Variants in MYOM1 observed in about 807,000 individuals in gnomAD.
The protein encoded by MYOM1 is myomesin-1.
A neutral mutation model predicts 205.3 loss-of-function variants in MYOM1; 164 were observed. That is an observed-to-expected ratio of 0.80 (90% CI 0.70 to 0.91). MYOM1 has a LOEUF of 0.91. Among genes scored for constraint, MYOM1 ranks in the 40% least tolerant of loss-of-function variants. The pLI, the probability that MYOM1 is intolerant of heterozygous loss-of-function variation, is 0.00. For synonymous variants in MYOM1, 772 were observed against 789.4 expected (o/e 0.98, Z 0.37); for missense variants, 2,011 against 2,127.3 (o/e 0.95, Z 1.08).
the MYOM1 span, among the ~76,000 whole-genome samples, chr18:3,228,434 A>G: frequency 6.6e-6 from 1 of 152,166 alleles, no homozygotes; most frequent in African/African-American, 2.4e-5. This position sits in a 1 kb window ranked among gnomAD's most constrained non-coding sequence, Gnocchi z 4.5. Flanking sequence ...CGCTTGCAAC[A>G]TGTGCCGAAA....
At chr18:3,215,342 T>G in intron 1 of MYOM1, 91 bp from the exon 2 acceptor site, 1 of 1,056,592 alleles carries the variant, frequency 9.5e-7, no homozygotes, top group Non-Finnish European at 1.3e-6. Context: ...ATCAATACTC[T>G]TGGCTGGGTG....
chr18:3,183,377 C>CAAT (rs561112429), intron 5 of MYOM1, among the ~76,000 whole-genome samples: 89 of 152,274 alleles, frequency 5.8e-4, no homozygotes, highest in African/African-American at 2.1e-3. Context: ...CTCTGGTAAC[C>CAAT]TCTAGGTTCC....
chr18:3,174,068 A>T (rs1375489989), intron 7 of MYOM1, 52 bp downstream of exon 7: 2 of 1,594,336 alleles, frequency 1.3e-6, no homozygotes, highest in Admixed American at 1.7e-5. Flanking sequence ...CATGGGAAGA[A>T]ATTTTTAAAA....
upstream of MYOM1, among the ~76,000 whole-genome samples, chr18:3,223,915 G>A (rs945333625): frequency 7.9e-5 from 12 of 152,152 alleles, no homozygotes; most frequent in Non-Finnish European, 1.2e-4. Context: ...CAGAGCCAGC[G>A]GTGAGGGTGC....
chr18:3,095,486 T>G (rs761535788), intron 25 of MYOM1, among the ~76,000 whole-genome samples: 34 of 152,132 alleles, frequency 2.2e-4, no homozygotes, highest in Non-Finnish European at 4.6e-4. Flanking sequence ...GAGAACTGCT[T>G]GAACCTGGGA....
chr18:3,115,278 C>T (rs915584359), intron 21 of MYOM1, among the ~76,000 whole-genome samples: 7 of 152,104 alleles, frequency 4.6e-5, no homozygotes, highest in African/African-American at 1.7e-4. Flanking sequence ...AGCTGGAGAG[C>T]TGATTGGCAT....
intron 5 of MYOM1, 65 bp from the exon 6 acceptor site, chr18:3,176,199 A>G: frequency 1.1e-6 from 1 of 926,140 alleles, no homozygotes; most frequent in Non-Finnish European, 1.7e-6. Context: ...TTAAACACAC[A>G]CACAATTCTT....
In MYOM1 at chr18:3,134,679, G is replaced by A. The variant is rs759085992; in HGVS notation, c.2355C>T (p.Pro785=). 6.2e-7 allele frequency: 1 copy of A among 1,613,776 alleles called. No homozygotes were observed. The highest frequency in any genetic ancestry group is 8.5e-7 in the Non-Finnish European group (1 of 1,179,748). Residue 785 remains proline (P), a synonymous_variant, in exon 16 of 38, where the codon CCC becomes CCT. Coordinates refer to ENST00000356443, the MANE Select transcript of MYOM1 (RefSeq NM_003803.4). ...ASVAGSGKWE[P]CNNNPVKGSR... The stretch of plus-strand genomic sequence containing the variant: ...AGCCCTTCACGGGGTTGTTGTTACA[G>A]GGCTCCCACTTGCCAGAGCCAGCAA...
At chr18:3,109,263 G>C (rs999833207) in intron 22 of MYOM1, among the ~76,000 whole-genome samples, 1 of 152,142 alleles carries the variant, frequency 6.6e-6, no homozygotes, top group Non-Finnish European at 1.5e-5. Context: ...GATTACAGGC[G>C]TGAATCACCG....
chr18:3,173,543 G>A (rs1334461519), intron 8 of MYOM1, among the ~76,000 whole-genome samples: 1 of 151,654 alleles, frequency 6.6e-6, no homozygotes, highest in Admixed American at 6.6e-5. Context: ...ATTTAAGGGT[G>A]AGAAAGAGCG....
At chr18:3,137,104 C>G (rs1339566949) in intron 14 of MYOM1, among the ~76,000 whole-genome samples, 1 of 152,120 alleles carries the variant, frequency 6.6e-6, no homozygotes, top group Non-Finnish European at 1.5e-5. Flanking sequence ...GCGCCCCCCA[C>G]CACACCTGGC....
intron 22 of MYOM1, among the ~76,000 whole-genome samples, chr18:3,106,857 G>A (rs990491371): frequency 3.9e-5 from 6 of 152,092 alleles, no homozygotes; most frequent in Non-Finnish European, 8.8e-5. Flanking sequence ...TAATTGCTAG[G>A]AGAGAGCCAA....
At chr18:3,132,597 A>G (rs1051362460) in intron 16 of MYOM1, among the ~76,000 whole-genome samples, 2 of 152,134 alleles carry the variant, frequency 1.3e-5, no homozygotes, top group African/African-American at 4.8e-5. Context: ...TAATATGATC[A>G]ATGACTATTT....
intron 23 of MYOM1, among the ~76,000 whole-genome samples, chr18:3,102,151 A>G (rs1308618772): frequency 2.6e-5 from 4 of 151,162 alleles, no homozygotes; most frequent in African/African-American, 7.3e-5. Flanking sequence ...ACAGGCACCC[A>G]CCACCACACC....
intron 22 of MYOM1, among the ~76,000 whole-genome samples, chr18:3,112,058 C>T (rs562375741): frequency 3.5e-4 from 53 of 152,244 alleles, no homozygotes; most frequent in Non-Finnish European, 5.6e-4. Context: ...TCAAGAACTT[C>T]CGGGTTTTTA....
intron 36 of MYOM1, among the ~76,000 whole-genome samples, chr18:3,074,732 T>C (rs1304149331): frequency 6.6e-6 from 1 of 152,288 alleles, no homozygotes; most frequent in East Asian, 1.9e-4. Flanking sequence ...CCCAGGAAAA[T>C]GTACAGTATT....
chr18:3,169,232 T>C (rs528221739), intron 8 of MYOM1, among the ~76,000 whole-genome samples: 30 of 152,300 alleles, frequency 2.0e-4, no homozygotes, highest in Non-Finnish European at 4.0e-4. Flanking sequence ...ATGAATAGAA[T>C]TTAAAGGGTC....
intron 2 of MYOM1, among the ~76,000 whole-genome samples, chr18:3,202,894 T>C (rs72861635): frequency 0.029 from 4,359 of 152,148 alleles, 97 homozygotes; most frequent in Middle Eastern, 0.058. Context: ...GTTCATATGG[T>C]AGTCCACAAA....
chr18:3,168,793 T>G, intron 9 of MYOM1, 24 bp downstream of exon 9: 2 of 1,612,490 alleles, frequency 1.2e-6, no homozygotes, highest in Non-Finnish European at 1.7e-6. Flanking sequence ...AGAACCTAAG[T>G]GAGCATTCAT....
Sources: allele counts gnomAD v4.1 joint callset (sites outside exome capture counted in the v4.1 genomes callset), GRCh38; gene constraint gnomAD v4.1.1; non-coding constraint Gnocchi (gnomAD v3.1); transcripts MANE v1.5; gene names NCBI Gene and HGNC (gene_info 2026-07-23, HGNC 2026-07-21).